Variants in SENP6 observed in about 807,000 individuals in gnomAD.
SENP6 encodes SUMO specific peptidase 6.
Under a neutral mutation model 134.5 loss-of-function variants are expected in SENP6, and 41 were observed. The ratio of observed to expected loss-of-function variants is 0.30; its 90% CI spans 0.24 to 0.40. SENP6 has a LOEUF of 0.40. Among genes scored for constraint, SENP6 ranks in the 10% least tolerant of loss-of-function variants. SENP6 has a pLI of 1.00. For synonymous variants in SENP6, 395 were observed against 429.8 expected (o/e 0.92, Z 1.00); for missense variants, 1,248 against 1,312.5 (o/e 0.95, Z 0.76).
In SENP6 at chr6:75,690,909, G is replaced by A. The variant is rs1012579164; in HGVS notation, c.2076-4895G>A. Among the ~76,000 whole-genome samples the A allele has an allele frequency of 4.6e-5, 7 of 151,738 alleles. No individual in the cohort carries two copies. In the East Asian group the frequency reaches 1.4e-3, roughly 29 times the overall value. The stretch of plus-strand genomic sequence containing the variant: ...GATGGGATTTCACCTTGTTGGCCAC[G>A]CTGGTCTTGAACTTCTGTCCTCAAG... On this transcript the variant is annotated intron_variant, in intron 16 of 23. Coordinates refer to ENST00000447266, the MANE Select transcript of SENP6 (RefSeq NM_015571.4).
At chr6:75,626,125 T>G (rs6904567) in intron 3 of SENP6, among the ~76,000 whole-genome samples, 37,103 of 151,018 alleles carry the variant, frequency 0.25, 5,916 homozygotes, top group Non-Finnish European at 0.37. Flanking sequence ...GAGAGTTAGG[T>G]TTGTTGTTGT....
intron 7 of SENP6, among the ~76,000 whole-genome samples, chr6:75,650,612 G>C (rs1453780220): frequency 6.6e-6 from 1 of 152,090 alleles, no homozygotes; most frequent in Non-Finnish European, 1.5e-5. Context: ...TAATAAATGA[G>C]GGTTTTATGA....
intron 18 of SENP6, 196 bp downstream of exon 18, chr6:75,697,713 A>G (rs567974495): frequency 5.3e-5 from 27 of 508,578 alleles, no homozygotes; most frequent in Non-Finnish European, 9.2e-5. Context: ...TGAATTTTAG[A>G]GACAATAGAC....
chr6:75,665,933 A>G (rs934123442), intron 9 of SENP6, among the ~76,000 whole-genome samples: 1 of 151,726 alleles, frequency 6.6e-6, no homozygotes, highest in Non-Finnish European at 1.5e-5. Flanking sequence ...AGGCTGAGGC[A>G]GGAGAATCAC....
intron 1 of SENP6, among the ~76,000 whole-genome samples, chr6:75,618,335 C>T (rs552035086): frequency 2.6e-4 from 39 of 152,014 alleles, no homozygotes; most frequent in African/African-American, 4.6e-4. Flanking sequence ...AACCCAATGC[C>T]GATGTTATTT....
At chr6:75,676,977 A>T (rs1272248578) in intron 13 of SENP6, 53 bp from the exon 14 acceptor site, 1 of 835,632 alleles carries the variant, frequency 1.2e-6, no homozygotes, top group Non-Finnish European at 1.9e-6. Flanking sequence ...TTTTAAAAGT[A>T]TCTATTTACT....
At chr6:75,663,774 A>G (rs1006014653) in intron 9 of SENP6, among the ~76,000 whole-genome samples, 2 of 142,874 alleles carry the variant, frequency 1.4e-5, no homozygotes, top group East Asian at 4.2e-4. Flanking sequence ...AATCTTTCTG[A>G]TCTGTAAATG....
At chr6:75,682,189 C>G (rs768839222) in intron 16 of SENP6, among the ~76,000 whole-genome samples, 3 of 151,968 alleles carry the variant, frequency 2.0e-5, no homozygotes, top group African/African-American at 4.8e-5. Flanking sequence ...AGAAAACATA[C>G]TAATCCTATG....
chr6:75,696,065 C>G (rs1774640658), intron 17 of SENP6, 142 bp downstream of exon 17: 1 of 657,990 alleles, frequency 1.5e-6, no homozygotes, highest in Non-Finnish European at 2.4e-6. Flanking sequence ...AGAGAACACA[C>G]TAAATAAATC....
At chr6:75,668,727 C>T (rs9443184) in intron 10 of SENP6, among the ~76,000 whole-genome samples, 6,532 of 152,232 alleles carry the variant, frequency 0.043, 165 homozygotes, top group Non-Finnish European at 0.054. Context: ...AGTTTGCTAT[C>T]GCAAGAGATT....
chr6:75,646,282 T>C (rs1279638526), intron 6 of SENP6, among the ~76,000 whole-genome samples: 1 of 152,204 alleles, frequency 6.6e-6, no homozygotes, highest in African/African-American at 2.4e-5. Flanking sequence ...TTCACAAATT[T>C]CAAATTTTTC....
chr6:75,676,979 C>T (rs889298145), intron 13 of SENP6, 51 bp from the exon 14 acceptor site: 4 of 830,104 alleles, frequency 4.8e-6, no homozygotes, highest in Non-Finnish European at 7.5e-6. Context: ...TTAAAAGTAT[C>T]TATTTACTTC....
chr6:75,708,381 G>A (rs1266593726), intron 19 of SENP6, among the ~76,000 whole-genome samples: 1 of 151,884 alleles, frequency 6.6e-6, no homozygotes, highest in Non-Finnish European at 1.5e-5. Flanking sequence ...ATTTTATCCT[G>A]TCTACAATAA....
chr6:75,602,727 C>G, intron 1 of SENP6, 151 bp downstream of exon 1: 1 of 866,532 alleles, frequency 1.2e-6, no homozygotes, highest in South Asian at 1.7e-5. Context: ...GAGTGTGCTG[C>G]GAGCGCACCT....
rs555019655 is a variant in SENP6, at chr6:75,614,460, G to A, written c.53-7072G>A. On this transcript the variant is annotated intron_variant, in intron 1 of 23. Transcript: ENST00000447266. Reference sequence around the variant, plus strand: ...TTTTTGTATTTTTAGTAGAGATGGGGAATTACCATATTGGCCAGACTGGTC... The same window carrying A: ...TTTTTGTATTTTTAGTAGAGATGGGAAATTACCATATTGGCCAGACTGGTC... Among the ~76,000 whole-genome samples, 7 of 152,048 alleles carry A rather than the reference G, an allele frequency of 4.6e-5. No homozygotes were observed. In the East Asian group the frequency reaches 1.2e-3, roughly 25 times the overall value.
At chr6:75,707,866 G>A (rs1775508638) in intron 19 of SENP6, among the ~76,000 whole-genome samples, 1 of 151,096 alleles carries the variant, frequency 6.6e-6, no homozygotes, top group Non-Finnish European at 1.5e-5. Context: ...ATTTTATTTT[G>A]TTTGTAGAGA....
intron 16 of SENP6, among the ~76,000 whole-genome samples, chr6:75,691,819 C>A (rs1330427283): frequency 6.6e-6 from 1 of 152,036 alleles, no homozygotes; most frequent in Non-Finnish European, 1.5e-5. Context: ...TGGTCTCGAT[C>A]TCCTGACCTC....
intron 16 of SENP6, among the ~76,000 whole-genome samples, chr6:75,681,318 T>C (rs1000956950): frequency 6.6e-6 from 1 of 152,202 alleles, no homozygotes; most frequent in African/African-American, 2.4e-5. Flanking sequence ...GCTCTGGCCA[T>C]GTAAGATGTA....
chr6:75,628,422 G>A (rs1470947310), intron 3 of SENP6, among the ~76,000 whole-genome samples: 1 of 151,920 alleles, frequency 6.6e-6, no homozygotes, highest in Non-Finnish European at 1.5e-5. Flanking sequence ...TATTATTACA[G>A]ATATTTATAA....
Sources: allele counts gnomAD v4.1 joint callset (sites outside exome capture counted in the v4.1 genomes callset), GRCh38; gene constraint gnomAD v4.1.1; transcripts MANE v1.5; gene names NCBI Gene and HGNC (gene_info 2026-07-23, HGNC 2026-07-21).